The following NME7 variants were observed in gnomAD, a reference collection of about 807,000 sequenced individuals.
NME7 encodes nucleoside diphosphate kinase 7.
Under a neutral mutation model 49.1 loss-of-function variants are expected in NME7, and 41 were observed. The ratio of observed to expected loss-of-function variants is 0.83; its 90% CI spans 0.65 to 1.08. The LOEUF is 1.08. NME7 is among the 50% of genes least tolerant of loss of function. The probability of loss-of-function intolerance (pLI) is 0.00; values close to 1 mark genes in which losing one functional copy is unlikely to be tolerated. For synonymous variants in NME7, 139 were observed against 150.6 expected (o/e 0.92, Z 0.56); for missense variants, 423 against 463.4 (o/e 0.91, Z 0.80).
intron 7 of NME7, among the ~76,000 whole-genome samples, chr1:169,264,457 C>T (rs1649257040): frequency 7.5e-6 from 1 of 133,436 alleles, no homozygotes; most frequent in African/African-American, 2.5e-5. Context: ...TAATTTCAGA[C>T]CAAACAATCT....
intron 2 of NME7, among the ~76,000 whole-genome samples, chr1:169,323,777 C>A (rs533446383): frequency 1.1e-3 from 162 of 150,988 alleles, no homozygotes; most frequent in Non-Finnish European, 1.8e-3. Context: ...CCATAATAAT[C>A]CTTATCTATA....
chr1:169,248,105 G>GTATA (rs1558006108), intron 7 of NME7, among the ~76,000 whole-genome samples: 1 of 152,082 alleles, frequency 6.6e-6, no homozygotes, highest in Non-Finnish European at 1.5e-5. Context: ...TACCAGCAGT[G>GTATA]TATAGGTGTT....
intron 7 of NME7, among the ~76,000 whole-genome samples, chr1:169,247,515 T>G (rs1350913308): frequency 6.6e-6 from 1 of 152,142 alleles, no homozygotes; most frequent in Non-Finnish European, 1.5e-5. Context: ...GTTTTTGGGG[T>G]ACAAGTGGTT....
chr1:169,167,595 T>C (rs10800408), intron 11 of NME7, among the ~76,000 whole-genome samples: 93,168 of 151,938 alleles, frequency 0.61, 28,918 homozygotes, highest in East Asian at 0.93. Context: ...AACCCTAAAC[T>C]GGACCCATTT....
chr1:169,193,181 A>G (rs922325452), intron 10 of NME7, among the ~76,000 whole-genome samples: 1 of 152,080 alleles, frequency 6.6e-6, no homozygotes. Context: ...ATGCTTGTAC[A>G]TACTTACTAT....
At chr1:169,133,694 T>C (rs1658331587) in intron 11 of NME7, among the ~76,000 whole-genome samples, 1 of 152,234 alleles carries the variant, frequency 6.6e-6, no homozygotes, top group African/African-American at 2.4e-5. Context: ...GAGACTTCAG[T>C]AGTTGAAATG....
intron 4 of NME7, among the ~76,000 whole-genome samples, chr1:169,307,820 G>T (rs1413657109): frequency 6.6e-6 from 1 of 152,110 alleles, no homozygotes; most frequent in Non-Finnish European, 1.5e-5. Context: ...AGGAGTTCAA[G>T]ACTAGCTTGG....
chr1:169,199,082 C>T (rs1020288135), intron 10 of NME7, among the ~76,000 whole-genome samples: 3 of 152,016 alleles, frequency 2.0e-5, no homozygotes, highest in African/African-American at 7.2e-5. Flanking sequence ...CATGTGTCTA[C>T]ATCATATTAT....
At chr1:169,342,419 C>G (rs1433001343) in intron 1 of NME7, among the ~76,000 whole-genome samples, 1 of 150,264 alleles carries the variant, frequency 6.7e-6, no homozygotes, top group Non-Finnish European at 1.5e-5. Context: ...ATTACCCAGT[C>G]TCACGTAGTA....
At chr1:169,291,468 CA>C (rs1228473296) in intron 6 of NME7, among the ~76,000 whole-genome samples, 1 of 151,910 alleles carries the variant, frequency 6.6e-6, no homozygotes, top group Admixed American at 6.6e-5. Context: ...AATGAGAACA[CA>C]AGGAGGGGAA....
At chr1:169,257,487 C>A (rs1649002647) in intron 7 of NME7, among the ~76,000 whole-genome samples, 1 of 130,362 alleles carries the variant, frequency 7.7e-6, no homozygotes, top group African/African-American at 2.6e-5. Context: ...TGAGATGAAC[C>A]CAGTACCTCA....
At chr1:169,198,134 C>A (rs1378261521) in intron 10 of NME7, among the ~76,000 whole-genome samples, 1 of 151,924 alleles carries the variant, frequency 6.6e-6, no homozygotes. Context: ...TAGGGAAATG[C>A]AAATTAAAAC....
At chr1:169,132,996 T>TAAAA (rs1159745332) in intron 11 of NME7, among the ~76,000 whole-genome samples, 179 bp from the exon 12 acceptor site, 1 of 152,172 alleles carries the variant, frequency 6.6e-6, no homozygotes, top group Non-Finnish European at 1.5e-5. Flanking sequence ...AAGTTCCATT[T>TAAAA]AAAAAAATCA....
At chr1:169,245,069 C>T (rs949137242) in intron 7 of NME7, among the ~76,000 whole-genome samples, 17 of 152,220 alleles carry the variant, frequency 1.1e-4, no homozygotes, top group African/African-American at 4.1e-4. Context: ...GCAGAGCTTA[C>T]AGTGAGCCAA....
intron 6 of NME7, among the ~76,000 whole-genome samples, chr1:169,292,581 G>A (rs984632341): frequency 1.3e-4 from 20 of 152,088 alleles, no homozygotes; most frequent in Admixed American, 5.2e-4. Flanking sequence ...GTATACAGAA[G>A]GTGAGGCAGG....
rs746813645 is a variant in NME7 at position 169,298,598 on chromosome 1, T to G, written c.606A>C (p.Arg202Ser). The G allele has an allele frequency of 3.7e-6, 6 of 1,613,842 alleles. No individual in the cohort carries two copies. In the African/African-American group the frequency reaches 8.0e-5, roughly 22 times the overall value. The change falls in exon 6 of 12, where the codon AGA (arginine) becomes AGC (serine). Residue 202 changes from arginine to serine, a missense_variant. By Grantham distance (110) the Arg-to-Ser change is moderately radical. Transcript: ENST00000367811. Reference protein sequence around the residue: ...IRALFGTDGIRNAAHGPDSFA... With the variant: ...IRALFGTDGISNAAHGPDSFA... ...AAGAATCAGGGCCATGCGCTGCATT[T>G]CTTATGCCATCTGTTCCAAAGAGGG...
At chr1:169,229,251 C>T (rs1257757079) in intron 10 of NME7, among the ~76,000 whole-genome samples, 1 of 152,198 alleles carries the variant, frequency 6.6e-6, no homozygotes, top group African/African-American at 2.4e-5. Flanking sequence ...CTTGTGCTTC[C>T]AGCTATGTAT....
At chr1:169,326,169 T>C (rs986119917) in intron 1 of NME7, among the ~76,000 whole-genome samples, 1 of 152,180 alleles carries the variant, frequency 6.6e-6, no homozygotes, top group East Asian at 1.9e-4. Context: ...TTTATCCATG[T>C]AGCCTATCCA....
At chr1:169,280,535 C>G (rs1439295314) in intron 7 of NME7, among the ~76,000 whole-genome samples, 2 of 147,782 alleles carry the variant, frequency 1.4e-5, no homozygotes, top group Non-Finnish European at 2.9e-5. Context: ...TTTGCCCATT[C>G]CTATGTCCTG....
Sources: gnomAD v4.1 joint callset for allele counts (sites outside exome capture counted in the v4.1 genomes callset) on GRCh38, gnomAD v4.1.1 for gene constraint, MANE v1.5 for transcripts, NCBI Gene and HGNC (gene_info 2026-07-23, HGNC 2026-07-21) for gene names.